PDK3: variants seen among roughly 807,000 people sequenced by gnomAD.
The protein encoded by PDK3 is pyruvate dehydrogenase kinase 3.
In PDK3, 12 loss-of-function variants were observed where a neutral mutation model predicts 32.0. The ratio of observed to expected loss-of-function variants is 0.37; its 90% confidence interval spans 0.24 to 0.61. The LOEUF is 0.61. Ranked by LOEUF, PDK3 falls within the 20% of genes least tolerant of loss-of-function variation. PDK3 has a pLI of 0.65. For synonymous variants in PDK3, 122 were observed against 116.3 expected (o/e 1.05, Z -0.31); for missense variants, 188 against 316.9 (o/e 0.59, Z 3.09).
At position 24,534,194 on chromosome X, in the gene PDK3, C is replaced by A; in HGVS notation, c.*122C>A. The A allele has an allele frequency of 1.0e-6, 1 of 964,528 alleles. No homozygotes were observed. The highest frequency in any genetic ancestry group is 1.3e-6 in the Non-Finnish European group (1 of 764,425). The allele number at this position is 964,528 out of a possible 1,213,427, so 79.5% of individuals were successfully genotyped here. On this transcript the variant is annotated 3_prime_UTR_variant, in exon 11 of 11. Transcript: ENST00000379162. ...CAACAGCAAGCAGGGATTTGGCCTG[C>A]CATCAATTTTATTTAAAAAGCAATT...
intron 1 of PDK3, among the ~76,000 whole-genome samples, chrX:24,479,281 C>T (rs953968503): frequency 8.9e-6 from 1 of 112,365 alleles, no homozygotes; most frequent in African/African-American, 3.2e-5. Flanking sequence ...CATGTGAGCA[C>T]TTTATTTGTA....
At chrX:24,491,172 G>A (rs1470597938) in intron 1 of PDK3, among the ~76,000 whole-genome samples, 6 of 109,128 alleles carry the variant, frequency 5.5e-5, no homozygotes, top group Non-Finnish European at 1.1e-4. Flanking sequence ...AAATTAGCCG[G>A]GCATGGTGGC....
Position 24,490,754 on chromosome X carries a change from C to A in PDK3, c.107-3988C>A, listed in dbSNP as rs151338987. 1.7e-3 allele frequency among the ~76,000 whole-genome samples: 191 copies of A among 111,208 alleles called. 3 individuals are homozygous for A. In the East Asian group the frequency reaches 0.046, roughly 27 times the overall value. ...TAAATTCTGAAACCATCTAGATCTGCAACTTCTAGAGAAGAGATGAGAAGC... is the reference window on the plus strand; with the variant it reads ...TAAATTCTGAAACCATCTAGATCTGAAACTTCTAGAGAAGAGATGAGAAGC... On this transcript the variant is annotated intron_variant, in intron 1 of 10. Transcript: ENST00000379162.
intron 6 of PDK3, among the ~76,000 whole-genome samples, chrX:24,519,846 T>A (rs1922351841): frequency 1.8e-5 from 2 of 112,267 alleles, no homozygotes; most frequent in Non-Finnish European, 3.8e-5. Context: ...GTAAATAAGT[T>A]AATAATGGTC....
chrX:24,540,482 G>A (rs1409752624), exon 12 of PDK3, among the ~76,000 whole-genome samples: 1 of 112,178 alleles, frequency 8.9e-6, no homozygotes, highest in African/African-American at 3.2e-5. Context: ...GATGCAATTA[G>A]CTCCTCTCCC....
downstream of PDK3, among the ~76,000 whole-genome samples, chrX:24,535,520 AAAG>A (rs1202108884): frequency 0.034 from 3,429 of 99,780 alleles, 109 homozygotes; most frequent in South Asian, 0.23. Flanking sequence ...AAAAAAAAAA[AAAG>A]AAGAAGAAGA....
chrX:24,540,053 C>CT (rs1922856117), exon 12 of PDK3, among the ~76,000 whole-genome samples: 2 of 112,079 alleles, frequency 1.8e-5, no homozygotes, highest in Non-Finnish European at 3.8e-5. Context: ...AATAGACTAT[C>CT]AGAGGGAAAA....
chrX:24,538,969 A>T (rs1479812608), downstream of PDK3, among the ~76,000 whole-genome samples: 2 of 111,949 alleles, frequency 1.8e-5, no homozygotes, highest in Non-Finnish European at 3.8e-5. Flanking sequence ...TATATAAGTA[A>T]TTAAATGGTC....
At chrX:24,485,796 G>A (rs1002814195) in intron 1 of PDK3, among the ~76,000 whole-genome samples, 1 of 111,259 alleles carries the variant, frequency 9.0e-6, no homozygotes, top group Admixed American at 9.5e-5. Flanking sequence ...AGCTCTCTCC[G>A]CCAAGAGCCC....
At chrX:24,540,974 A>G (rs1489685583) in exon 12 of PDK3, among the ~76,000 whole-genome samples, 2 of 83,995 alleles carry the variant, frequency 2.4e-5, no homozygotes, top group Non-Finnish European at 4.3e-5. Flanking sequence ...CAGTGGCACC[A>G]TCTCGGCTCA....
intron 1 of PDK3, among the ~76,000 whole-genome samples, chrX:24,466,748 C>G (rs1336849514): frequency 9.0e-6 from 1 of 111,415 alleles, no homozygotes; most frequent in Non-Finnish European, 1.9e-5. Flanking sequence ...TTCAATGACA[C>G]GTTGATTTCT....
intron 3 of PDK3, among the ~76,000 whole-genome samples, chrX:24,502,739 G>C (rs185623859): frequency 9.0e-6 from 1 of 111,122 alleles, no homozygotes; most frequent in Non-Finnish European, 1.9e-5. Context: ...AGCTACTCGG[G>C]AGGCTGAGGC....
rs146909694 is a variant in PDK3 at position 24,485,746 on chromosome X, G to A, written c.107-8996G>A. Among the ~76,000 whole-genome samples, 385 of 111,694 alleles carry A rather than the reference G, an allele frequency of 3.4e-3. 2 individuals carry two copies. The highest frequency in any genetic ancestry group is 0.012 in the African/African-American group (374 of 30,705). Reference sequence around the variant, plus strand: ...AATCAGGGAAGCTGGTGTGGTATTAGCGCCCACTGAAAAGCCCCAGTGTAA... The same window carrying A: ...AATCAGGGAAGCTGGTGTGGTATTAACGCCCACTGAAAAGCCCCAGTGTAA... On this transcript the variant is annotated intron_variant, in intron 1 of 10. Transcript: ENST00000379162.
At chrX:24,535,978 G>C (rs763973720), downstream of PDK3, among the ~76,000 whole-genome samples, 400 of 99,564 alleles carry the variant, frequency 4.0e-3, 1 homozygote, top group Non-Finnish European at 7.1e-3. Flanking sequence ...AAGAAGGAAA[G>C]GAAGAAAGGA....
intron 5 of PDK3, among the ~76,000 whole-genome samples, chrX:24,515,279 T>C (rs1182567505): frequency 1.8e-5 from 2 of 112,248 alleles, no homozygotes; most frequent in African/African-American, 6.5e-5. Flanking sequence ...TAGTGATGCT[T>C]TAAAAATTCT....
At chrX:24,484,082 G>A (rs1379906215) in intron 1 of PDK3, among the ~76,000 whole-genome samples, 1 of 109,928 alleles carries the variant, frequency 9.1e-6, no homozygotes, top group Non-Finnish European at 1.9e-5. Context: ...CACGATCTCG[G>A]CTCACTGCAA....
Position 24,533,955 on chromosome X carries a change from AC to A in PDK3, c.1105del (p.Leu369PhefsTer43), listed in dbSNP as rs750358303. ...KALSSESFER[L>X]PVFNKSAWRH... The stretch of plus-strand genomic sequence containing the variant: ...CTCTTTCAAGTGAGTCATTTGAGAG[AC>A]TTCCAGTTTTTAATAAGTCCGCATG... On this transcript the variant is annotated frameshift_variant, in exon 11 of 11. Transcript: ENST00000379162. LOFTEE classifies it high-confidence loss of function. 1 of 1,206,131 alleles carries A rather than the reference AC, an allele frequency of 8.3e-7. No individual in the cohort carries two copies. The highest frequency in any genetic ancestry group is 1.1e-6 in the Non-Finnish European group (1 of 891,988).
At chrX:24,498,512 T>C (rs975097942) in intron 2 of PDK3, among the ~76,000 whole-genome samples, 1 of 112,226 alleles carries the variant, frequency 8.9e-6, no homozygotes, top group Non-Finnish European at 1.9e-5. Context: ...CTGGCCTGAA[T>C]TGAGACAGTA....
At chrX:24,477,321 T>C (rs1230125902) in intron 1 of PDK3, among the ~76,000 whole-genome samples, 2 of 111,895 alleles carry the variant, frequency 1.8e-5, no homozygotes, top group African/African-American at 3.2e-5. Flanking sequence ...CTGTGTAAAG[T>C]GCCATTGGCC....
Sources: allele counts gnomAD v4.1 joint callset (sites outside exome capture counted in the v4.1 genomes callset), GRCh38; gene constraint gnomAD v4.1.1; transcripts MANE v1.5; gene names NCBI Gene and HGNC (gene_info 2026-07-23, HGNC 2026-07-21).